Variants in MYO7B observed in about 807,000 individuals in gnomAD.
MYO7B encodes the protein unconventional myosin-VIIb.
MYO7B carries 212 observed loss-of-function variants against 259.7 expected under a neutral mutation model. The ratio of observed to expected loss-of-function variants is 0.82; its 90% CI spans 0.73 to 0.91. The LOEUF is 0.91. Among genes scored for constraint, MYO7B ranks in the 40% least tolerant of loss-of-function variants. The pLI, the probability that MYO7B is intolerant of heterozygous loss-of-function variation, is 0.00. For synonymous variants in MYO7B, 1,197 were observed against 1,166.4 expected (o/e 1.03, Z -0.54); for missense variants, 2,732 against 2,813.5 (o/e 0.97, Z 0.66).
At position 127,597,072 on chromosome 2, in the gene MYO7B, G is replaced by A. The variant is rs149695983; in HGVS notation, c.2339+516G>A. Among the ~76,000 whole-genome samples, 490 of 152,338 alleles carry A rather than the reference G, an allele frequency of 3.2e-3. 2 individuals are homozygous for A. The highest frequency in any genetic ancestry group is 5.1e-3 in the Non-Finnish European group (348 of 68,028). ...GAGAAAGTAGAAGACAGCCAGCCCC[G>A]GGAATAGAGAATGAGGGGACAGAGA... On this transcript the variant is annotated intron_variant, in intron 19 of 47. Transcript: ENST00000409816. The surrounding 1 kb of genome is among the most constrained non-coding windows in gnomAD (Gnocchi z 4.8).
At position 127,622,013 on chromosome 2, in the gene MYO7B, C is replaced by T. The variant is rs1455700819; in HGVS notation, c.3557C>T (p.Ala1186Val). 8.3e-5 allele frequency: 129 copies of T among 1,551,698 alleles called. No homozygotes were observed. The highest frequency in any genetic ancestry group is 9.3e-5 in the Non-Finnish European group (107 of 1,147,020). The change falls in exon 28 of 48, where the codon GCG becomes GTG. Residue 1186 changes from alanine to valine, a missense_variant. Around this residue, in one of 3 missense-constraint regions of MYO7B, gnomAD observed 1,906 missense variants for 2,026.4 expected, o/e 0.94. Transcript: ENST00000409816. ...CTGAACTTCATCGGCCAAGGGCCGGCGACCTACGGCCCCTTCTGTGCCGAG... is the reference window on the plus strand; with the variant it reads ...CTGAACTTCATCGGCCAAGGGCCGGTGACCTACGGCCCCTTCTGTGCCGAG... Reference protein sequence around the residue: ...YLLNFIGQGPATYGPFCAERL... With the variant: ...YLLNFIGQGPVTYGPFCAERL...
intron 7 of MYO7B, among the ~76,000 whole-genome samples, chr2:127,574,648 T>C (rs1370873324): frequency 6.6e-6 from 1 of 152,336 alleles, no homozygotes; most frequent in East Asian, 1.9e-4. Context: ...CTAGGCTAGT[T>C]GGGTGGGCCG....
intron 7 of MYO7B, among the ~76,000 whole-genome samples, chr2:127,574,869 C>G (rs566290918): frequency 1.3e-5 from 2 of 152,356 alleles, no homozygotes; most frequent in African/African-American, 4.8e-5. Flanking sequence ...TCCTTTTGCA[C>G]TGGGCGATCA....
intron 39 of MYO7B, 93 bp downstream of exon 39, chr2:127,632,494 C>A: frequency 7.0e-7 from 1 of 1,428,370 alleles, no homozygotes; most frequent in Non-Finnish European, 9.3e-7. Context: ...AGCTCATGGT[C>A]CTGGGAGGAC....
At chr2:127,603,647 G>C (rs2105012588) in intron 19 of MYO7B, among the ~76,000 whole-genome samples, 1 of 152,284 alleles carries the variant, frequency 6.6e-6, no homozygotes, top group Non-Finnish European at 1.5e-5. Context: ...TGATTGTTAA[G>C]GGCCCTAGGA....
Position 127,628,623 on chromosome 2 carries a change from C to T in MYO7B, c.4624+88C>T, listed in dbSNP as rs184974785. The T allele has an allele frequency of 6.9e-5, 93 of 1,346,842 alleles. No homozygotes were observed. Among genetic ancestry groups the T allele is most frequent in the Non-Finnish European group, 8.7e-5 (86 of 993,250 alleles). 83.4% of individuals were successfully genotyped at this position (1,346,842 alleles called of 1,614,324 possible). A position where few individuals can be genotyped will look rare whatever the true frequency, so the allele number is the denominator to read the frequency against. ...TGTAGGTAGGTGGCATGCTCATCTC[C>T]ACACAGCAGCCACAAGGCAAGCAGA... On this transcript the variant is annotated intron_variant, in intron 34 of 47. Transcript: ENST00000409816. This position sits in a 1 kb window ranked among gnomAD's most constrained non-coding sequence, Gnocchi z 4.8.
At chr2:127,625,676 G>A (rs1681074077) in intron 31 of MYO7B, 141 bp downstream of exon 31, 6 of 955,874 alleles carry the variant, frequency 6.3e-6, no homozygotes, top group African/African-American at 1.7e-5. Flanking sequence ...TGACAGTTAA[G>A]TAGAGCCCTG....
In MYO7B at chr2:127,603,966, T is replaced by C. The variant is rs954208503; in HGVS notation, c.2340-1878T>C. 4.6e-5 allele frequency among the ~76,000 whole-genome samples: 7 copies of C among 152,198 alleles called. No homozygotes were observed. The East Asian group carries it at 9.6e-4, about 21-fold the overall frequency. ...GGCCAATATGGTGAAACCCCATCTC[T>C]ACTAAAAATACAAAAAATTAGCCGG... On this transcript the variant is annotated intron_variant, in intron 19 of 47. Transcript: ENST00000409816.
At chr2:127,602,606 C>T (rs59430474) in intron 19 of MYO7B, among the ~76,000 whole-genome samples, 94 of 152,222 alleles carry the variant, frequency 6.2e-4, no homozygotes, top group Middle Eastern at 3.4e-3. Context: ...GCTCTGATGA[C>T]GCCACTGCAC....
At chr2:127,599,531 A>G (rs949204752) in intron 19 of MYO7B, among the ~76,000 whole-genome samples, 4 of 152,040 alleles carry the variant, frequency 2.6e-5, no homozygotes, top group South Asian at 2.1e-4. Context: ...TCTCTTGCCT[A>G]TTGCAGTAGC....
At chr2:127,635,553 C>T in intron 43 of MYO7B, 169 bp from the exon 44 acceptor site, 1 of 759,994 alleles carries the variant, frequency 1.3e-6, no homozygotes, top group South Asian at 1.9e-5. Context: ...GTCAGGGGGC[C>T]CTGCCCTGAC....
chr2:127,582,931 G>A (rs1167329894), intron 12 of MYO7B, among the ~76,000 whole-genome samples: 1 of 152,222 alleles, frequency 6.6e-6, no homozygotes, highest in Non-Finnish European at 1.5e-5. Flanking sequence ...TAACCAGGAG[G>A]CAGGTCAGAA....
chr2:127,581,908 C>G lies in MYO7B; in HGVS notation c.1098C>G (p.Leu366=), dbSNP rs1356513743. Residue 366 remains leucine (L), a synonymous_variant, in exon 11 of 48, where the codon CTC becomes CTG. Coordinates refer to ENST00000409816, the MANE Select transcript of MYO7B (RefSeq NM_001393586.1). The part of the protein sequence containing the change: ...MKLLEVQHQE[L]RDCLIKHTIL... ...CTCCCCAGGTGCAGCACCAGGAGCT[C>G]CGGGACTGTCTGATCAAGCACACCA... 6.2e-7 allele frequency: 1 copy of G among 1,613,858 alleles called. No individual in the cohort carries two copies. The highest frequency in any genetic ancestry group is 1.7e-5 in the Admixed American group (1 of 60,030).
Position 127,568,828 on chromosome 2 carries a change from G to A in MYO7B, c.471-961G>A, listed in dbSNP as rs574273894. 2.7e-4 allele frequency among the ~76,000 whole-genome samples: 41 copies of A among 152,052 alleles called. No individual in the cohort carries two copies. In the South Asian group the frequency reaches 2.9e-3, roughly 11 times the overall value. On this transcript the variant is annotated intron_variant, in intron 5 of 47. Coordinates refer to ENST00000409816, the MANE Select transcript of MYO7B (RefSeq NM_001393586.1). ...AGGAGAATTGCTGGAACTGGAGTGG[G>A]CGGAGGTTGCAGTGAGCTGAGATCG... is the stretch of plus-strand genomic sequence containing the variant.
chr2:127,571,717 T>G (rs1299843234), intron 6 of MYO7B, among the ~76,000 whole-genome samples: 1 of 152,022 alleles, frequency 6.6e-6, no homozygotes, highest in Non-Finnish European at 1.5e-5. Context: ...CGACCTCAGG[T>G]GATCCACCCG....
intron 9 of MYO7B, among the ~76,000 whole-genome samples, chr2:127,578,665 G>C (rs983726759): frequency 6.6e-6 from 1 of 152,142 alleles, no homozygotes; most frequent in South Asian, 2.1e-4. Context: ...AGCACCTAAC[G>C]GCAGTTATTG....
Position 127,584,842 on chromosome 2 carries a change from A to G in MYO7B, c.1619A>G (p.Gln540Arg), listed in dbSNP as rs1558816811. 1.1e-5 allele frequency: 17 copies of G among 1,613,982 alleles called. No homozygotes were observed. Among genetic ancestry groups the G allele is most frequent in the Non-Finnish European group, 1.3e-5 (15 of 1,179,892 alleles). ...CATGCCAACAACAAGGCCTTCCTACAGCCCAAGAACATCCACGATGCCAGA... is the reference window on the plus strand; with the variant it reads ...CATGCCAACAACAAGGCCTTCCTACGGCCCAAGAACATCCACGATGCCAGA... ...SVHANNKAFL[Q>R]PKNIHDARFG... The change falls in exon 14 of 48, where the codon CAG becomes CGG. Residue 540 changes from glutamine (Q) to arginine (R), a missense_variant. By Grantham distance (43) the Gln-to-Arg change is conservative. This residue lies in a region of MYO7B where 1,906 missense variants were observed against 2,026.4 expected (regional missense o/e 0.94). Transcript: ENST00000409816. The surrounding 1 kb of genome is among the most constrained non-coding windows in gnomAD (Gnocchi z 5.8).
Position 127,614,173 on chromosome 2 carries a change from T to G in MYO7B, c.3398+1570T>G, listed in dbSNP as rs1206955971. 6.6e-6 allele frequency among the ~76,000 whole-genome samples: 1 copy of G among 152,142 alleles called. No individual in the cohort carries two copies. The highest frequency in any genetic ancestry group is 6.5e-5 in the Admixed American group (1 of 15,272). On this transcript the variant is annotated intron_variant, in intron 26 of 47. Coordinates refer to ENST00000409816, the MANE Select transcript of MYO7B (RefSeq NM_001393586.1). This position sits in a 1 kb window ranked among gnomAD's most constrained non-coding sequence, Gnocchi z 4.6. ...TATTCGAATGATGTGTACTTTGGGT[T>G]CTTCAGACACCCCCTATAGGCACTC...
chr2:127,563,566 T>C (rs1294023402), intron 2 of MYO7B, among the ~76,000 whole-genome samples: 1 of 152,190 alleles, frequency 6.6e-6, no homozygotes, highest in Non-Finnish European at 1.5e-5. Context: ...CCAGGCAAGC[T>C]CCGCCTGCCA....
Sources: gnomAD v4.1 joint callset for allele counts (sites outside exome capture counted in the v4.1 genomes callset) on GRCh38, gnomAD v4.1.1 for gene constraint, gnomAD v4.1.1 regional missense constraint, Gnocchi (gnomAD v3.1) non-coding constraint, MANE v1.5 for transcripts, NCBI Gene and HGNC (gene_info 2026-07-23, HGNC 2026-07-21) for gene names.